Variants in N4BP2L2 observed in about 807,000 individuals in gnomAD.
N4BP2L2 encodes NEDD4 binding protein 2 like 2.
A neutral mutation model predicts 56.2 loss-of-function variants in N4BP2L2; 50 were observed. That is an observed-to-expected ratio of 0.89 (90% confidence interval 0.71 to 1.13). N4BP2L2 has a LOEUF of 1.13. N4BP2L2 is among the 50% of genes most tolerant of loss of function. The pLI is 0.00. For synonymous variants in N4BP2L2, 203 were observed against 223.6 expected, an observed-to-expected ratio of 0.91 and a Z score of 0.82; for missense variants, 689 against 693.8, an observed-to-expected ratio of 0.99 and a Z score of 0.08.
chr13:32,507,894 G>A (rs1167888668), downstream of N4BP2L2: 1 of 152,178 alleles, frequency 6.6e-6, no homozygotes, highest in Admixed American at 6.5e-5. Context: ...ATGTCCACAT[G>A]AGAAATGATG....
rs1461372373 is a variant in N4BP2L2 at position 32,501,348 on chromosome 13, A to T, written c.365+16509T>A. 2.6e-5 allele frequency among the ~76,000 whole-genome samples: 4 copies of T among 152,326 alleles called. No individual in the cohort carries two copies. In the East Asian group the frequency reaches 7.7e-4, roughly 29 times the overall value. ...CACATAATGTTACGTATGAGAAACA[A>T]GGGGAAAATGTCTCCATGAAAACCG... On this transcript the variant is annotated intron_variant, in intron 6 of 9. Coordinates refer to the N4BP2L2 transcript ENST00000357505.
chr13:32,504,905 T>C (rs942693006), intron 6 of N4BP2L2: 3 of 152,234 alleles, frequency 2.0e-5, no homozygotes, highest in Admixed American at 6.5e-5. Context: ...GAAGGGGTGA[T>C]GGATCCTAAG....
In N4BP2L2 at chr13:32,521,363, A is replaced by G; in HGVS notation, c.1550+10T>C. 1.3e-6 allele frequency: 2 copies of G among 1,579,388 alleles called. No homozygotes were observed. The highest frequency in any genetic ancestry group is 8.7e-7 in the Non-Finnish European group (1 of 1,153,034). Reference sequence around the variant, plus strand: ...AAGTTAAGGATTCAATAAAAATTCGAGTGTCTTACTTTTCTAATTCTTCAG... The same window carrying G: ...AAGTTAAGGATTCAATAAAAATTCGGGTGTCTTACTTTTCTAATTCTTCAG... On this transcript the variant is annotated intron_variant, in intron 5 of 5. Transcript: ENST00000267068.
intron 6 of N4BP2L2, among the ~76,000 whole-genome samples, chr13:32,458,810 C>T (rs1352794878): frequency 6.6e-6 from 1 of 152,194 alleles, no homozygotes; most frequent in Non-Finnish European, 1.5e-5. Flanking sequence ...ATCTACAGAA[C>T]ATTTTATCCA....
chr13:32,466,777 G>T (rs2081317852), intron 6 of N4BP2L2, among the ~76,000 whole-genome samples: 1 of 152,104 alleles, frequency 6.6e-6, no homozygotes, highest in Admixed American at 6.5e-5. Context: ...TTTTAACCTG[G>T]GTAGTGGTAA....
chr13:32,505,437 A>C (rs576832201), downstream of N4BP2L2: 2 of 152,264 alleles, frequency 1.3e-5, no homozygotes, highest in African/African-American at 4.8e-5. Context: ...AACATGCTAA[A>C]TTTTTGCAAT....
At chr13:32,519,313 G>A (rs1342501013) in intron 5 of N4BP2L2, among the ~76,000 whole-genome samples, 2 of 151,926 alleles carry the variant, frequency 1.3e-5, no homozygotes, top group Middle Eastern at 3.2e-3. Context: ...TACTCCCAAG[G>A]TGGGTAGATC....
intron 6 of N4BP2L2, among the ~76,000 whole-genome samples, chr13:32,444,966 A>T (rs1222072730): frequency 6.6e-6 from 1 of 152,142 alleles, no homozygotes; most frequent in African/African-American, 2.4e-5. Flanking sequence ...ACATATCTAG[A>T]GGCCAGGCAT....
At chr13:32,489,884 TTTATG>T (rs1395533989) in intron 6 of N4BP2L2, among the ~76,000 whole-genome samples, 1 of 152,188 alleles carries the variant, frequency 6.6e-6, no homozygotes, top group Non-Finnish European at 1.5e-5. Context: ...TAAATATAAT[TTTATG>T]TTATCATATA....
exon 7 of N4BP2L2, chr13:32,443,293 C>G: frequency 1.9e-6 from 3 of 1,613,988 alleles, no homozygotes; most frequent in Non-Finnish European, 2.5e-6. Flanking sequence ...CCATTGCCCC[C>G]TGCTGTCAGG....
chr13:32,519,350 A>T (rs533985609), intron 5 of N4BP2L2, among the ~76,000 whole-genome samples: 2 of 152,052 alleles, frequency 1.3e-5, no homozygotes, highest in African/African-American at 4.8e-5. Context: ...AAGAGGTTGC[A>T]GTGAGCCAAG....
At chr13:32,453,808 CT>C (rs2078508396) in intron 6 of N4BP2L2, among the ~76,000 whole-genome samples, 1 of 152,214 alleles carries the variant, frequency 6.6e-6, no homozygotes, top group Non-Finnish European at 1.5e-5. Flanking sequence ...TTTGACCTTG[CT>C]GGTGACTCTG....
chr13:32,457,751 G>A (rs1232444339), intron 6 of N4BP2L2, among the ~76,000 whole-genome samples: 1 of 152,142 alleles, frequency 6.6e-6, no homozygotes, highest in Admixed American at 6.5e-5. Flanking sequence ...GGAAGTGAAA[G>A]GACAGTATCT....
intron 6 of N4BP2L2, among the ~76,000 whole-genome samples, chr13:32,469,398 T>C (rs2081876545): frequency 6.6e-6 from 1 of 152,152 alleles, no homozygotes; most frequent in Admixed American, 6.5e-5. Flanking sequence ...TACATACTTT[T>C]GTCAGCAGAG....
intron 6 of N4BP2L2, chr13:32,480,732 A>G: frequency 1.5e-6 from 1 of 653,694 alleles, no homozygotes; most frequent in East Asian, 6.9e-5. Context: ...TGCTACTACT[A>G]TTTTCATTTT....
chr13:32,506,503 G>T (rs1386259374), downstream of N4BP2L2: 1 of 152,132 alleles, frequency 6.6e-6, no homozygotes, highest in East Asian at 1.9e-4. Flanking sequence ...GCTAGCTGAT[G>T]ACCAAGCAAC....
chr13:32,496,244 T>C (rs1282258195), intron 6 of N4BP2L2, among the ~76,000 whole-genome samples: 1 of 152,230 alleles, frequency 6.6e-6, no homozygotes, highest in Non-Finnish European at 1.5e-5. Context: ...TCTGATGACT[T>C]AGCCCTGCTG....
exon 6 of N4BP2L2, chr13:32,517,211 G>A (rs2049432952): frequency 1.0e-6 from 1 of 985,472 alleles, no homozygotes; most frequent in Non-Finnish European, 1.2e-6. Context: ...TGCATATTAT[G>A]AAGAAAACTC....
At chr13:32,535,052 C>T (rs999135388) in intron 2 of N4BP2L2, among the ~76,000 whole-genome samples, 1 of 152,182 alleles carries the variant, frequency 6.6e-6, no homozygotes, top group East Asian at 1.9e-4. Context: ...AAAAGGGTTC[C>T]TTCTGCCAAT....
Sources: allele counts gnomAD v4.1 joint callset (sites outside exome capture counted in the v4.1 genomes callset), GRCh38; gene constraint gnomAD v4.1.1; transcripts MANE v1.5; gene names NCBI Gene and HGNC (gene_info 2026-07-23, HGNC 2026-07-21).